The following EXOC3 variants were observed in gnomAD, a reference collection of about 807,000 sequenced individuals.
EXOC3 encodes the protein exocyst complex component 3, also known as SEC6-like 1.
Under a neutral mutation model 73.7 loss-of-function variants are expected in EXOC3, and 21 were observed. That is an observed-to-expected ratio of 0.29 (90% confidence interval 0.20 to 0.41). EXOC3 has a LOEUF of 0.41. Ranked by LOEUF, EXOC3 falls within the 10% of genes least tolerant of loss-of-function variation. EXOC3 has a pLI of 1.00. For synonymous variants in EXOC3, 410 were observed against 389.1 expected (o/e 1.05, Z -0.63); for missense variants, 842 against 985.1 (o/e 0.85, Z 1.95).
chr5:447,716 G>T lies in EXOC3; in HGVS notation c.328G>T (p.Ala110Ser). 1 of 1,582,708 alleles carries T rather than the reference G, an allele frequency of 6.3e-7. No homozygotes were observed. Among genetic ancestry groups the T allele is most frequent in the Non-Finnish European group, 8.6e-7 (1 of 1,162,960 alleles). Residue 110 changes from alanine to serine, a missense_variant, in exon 3 of 13, where the codon GCC (alanine) becomes TCC (serine). Coordinates refer to ENST00000512944, the MANE Select transcript of EXOC3 (RefSeq NM_007277.5). ...CGCCGTGGTGCAGCACAGCCAGCTC[G>T]CCGCAGCCGTGGAGAACCTCAAGAA... ...KDAVVQHSQL[A>S]AAVENLKNIF...
chr5:444,496 A>G (rs901895396), intron 1 of EXOC3, among the ~76,000 whole-genome samples: 1 of 152,232 alleles, frequency 6.6e-6, no homozygotes, highest in African/African-American at 2.4e-5. Flanking sequence ...TTCTTGGGTT[A>G]TTATCCAGCC....
At chr5:445,328 C>A (rs769174604) in intron 1 of EXOC3, among the ~76,000 whole-genome samples, 1 of 150,036 alleles carries the variant, frequency 6.7e-6, no homozygotes, top group African/African-American at 2.5e-5. Flanking sequence ...ATACCCAAGA[C>A]AATAATGACT....
At chr5:459,829 G>A (rs1215288007) in intron 7 of EXOC3, among the ~76,000 whole-genome samples, 2 of 152,252 alleles carry the variant, frequency 1.3e-5, no homozygotes, top group Admixed American at 1.3e-4. Context: ...GTCCTCGGCT[G>A]AGCCGGCCCT....
chr5:457,240 C>G, intron 5 of EXOC3: 2 of 536,454 alleles, frequency 3.7e-6, no homozygotes, highest in Non-Finnish European at 6.8e-6. Flanking sequence ...AGACGTGAGC[C>G]TGTGCCCTAC....
chr5:464,337 C>T lies in EXOC3; in HGVS notation c.1701C>T (p.Asn567=), dbSNP rs543173373. 1.5e-4 allele frequency: 237 copies of T among 1,613,338 alleles called. 4 individuals are homozygous for T. In the South Asian group the frequency reaches 2.5e-3, roughly 17 times the overall value. Reference sequence around the variant, plus strand: ...CGAAGAAGTGGCTATTAGGGTCAAACGCTGTAGACATTATCTGTGTCACCG... The same window carrying T: ...CGAAGAAGTGGCTATTAGGGTCAAATGCTGTAGACATTATCTGTGTCACCG... ...LMTKKWLLGS[N]AVDIICVTVE... is the part of the protein sequence containing the mutation. The change falls in exon 10 of 13, where the codon AAC becomes AAT. Residue 567 remains asparagine (N), a synonymous_variant. Coordinates refer to ENST00000512944, the MANE Select transcript of EXOC3 (RefSeq NM_007277.5).
chr5:461,917 T>C (rs2126585787), intron 7 of EXOC3, 43 bp from the exon 8 acceptor site: 1 of 1,405,168 alleles, frequency 7.1e-7, no homozygotes, highest in Non-Finnish European at 9.9e-7. Context: ...AACAGCTCCA[T>C]GTTGCCCTTA....
chr5:449,804 A>G (rs1737603950), intron 3 of EXOC3, among the ~76,000 whole-genome samples: 2 of 152,224 alleles, frequency 1.3e-5, no homozygotes, highest in African/African-American at 4.8e-5. Flanking sequence ...TATACACACA[A>G]GTGTAATTGC....
intron 9 of EXOC3, chr5:462,511 A>G: frequency 1.7e-6 from 1 of 581,426 alleles, no homozygotes; most frequent in Non-Finnish European, 3.1e-6. Flanking sequence ...TCTTACGCAC[A>G]ATTCAGTAGA....
At chr5:460,456 G>A (rs951072340) in intron 7 of EXOC3, among the ~76,000 whole-genome samples, 4 of 152,172 alleles carry the variant, frequency 2.6e-5, no homozygotes, top group Non-Finnish European at 5.9e-5. Flanking sequence ...TGGTGGCTTA[G>A]GTACTACAGC....
intron 1 of EXOC3, among the ~76,000 whole-genome samples, chr5:445,344 TTTTTTTTTC>T (rs1482481694): frequency 1.4e-3 from 75 of 52,514 alleles, no homozygotes; most frequent in African/African-American, 5.9e-3. Flanking sequence ...TGACTTTTTC[TTTTTTTTTC>T]TTTTTTTTTT....
chr5:459,860 G>T (rs918595358), intron 7 of EXOC3, among the ~76,000 whole-genome samples: 1 of 152,248 alleles, frequency 6.6e-6, no homozygotes, highest in African/African-American at 2.4e-5. Context: ...GCTCCAGGCA[G>T]CCATGACCTG....
chr5:453,912 C>T lies in EXOC3; in HGVS notation c.907C>T (p.Pro303Ser), dbSNP rs769866645. ...AKNLMVQCFP[P>S]HYEIFKNLLN... ...AAACCTGATGGTTCAGTGCTTTCCT[C>T]CCCACTATGAGATCTTTAAGAACCT... Residue 303 changes from proline (P) to serine (S), a missense_variant, in exon 4 of 13, where the codon CCC (proline) becomes TCC (serine). By Grantham distance (74) the Pro-to-Ser change is moderately conservative. Coordinates refer to ENST00000512944, the MANE Select transcript of EXOC3 (RefSeq NM_007277.5). The T allele has an allele frequency of 2.5e-6, 4 of 1,614,028 alleles. No homozygotes were observed. Among genetic ancestry groups the T allele is most frequent in the Non-Finnish European group, 3.4e-6 (4 of 1,179,894 alleles).
chr5:455,043 G>A (rs7702826), intron 4 of EXOC3, among the ~76,000 whole-genome samples: 16 of 151,586 alleles, frequency 1.1e-4, no homozygotes, highest in Non-Finnish European at 2.2e-4. Context: ...CTGTGCAACC[G>A]TGGCGCTCTG....
At chr5:455,447 A>G (rs1737782561) in intron 4 of EXOC3, among the ~76,000 whole-genome samples, 1 of 152,242 alleles carries the variant, frequency 6.6e-6, no homozygotes, top group Non-Finnish European at 1.5e-5. Flanking sequence ...TTCTTGGGAA[A>G]AATAATCCAG....
intron 3 of EXOC3, among the ~76,000 whole-genome samples, chr5:450,900 A>G (rs111434436): frequency 3.1e-3 from 468 of 151,528 alleles, no homozygotes; most frequent in Non-Finnish European, 4.6e-3. Flanking sequence ...TTTACTTTCA[A>G]CCTATTTGTG....
At position 467,100 on chromosome 5, in the gene EXOC3, G is replaced by A; in HGVS notation, c.*202G>A. Reference sequence around the variant, plus strand: ...GAGGCCCCTCACTGTGCTGTCAAAGGCCTGTGGGTGCAGGGCTCTGCCGCA... The same window carrying A: ...GAGGCCCCTCACTGTGCTGTCAAAGACCTGTGGGTGCAGGGCTCTGCCGCA... On this transcript the variant is annotated 3_prime_UTR_variant, in exon 13 of 13. Transcript: ENST00000512944. 1.7e-6 allele frequency: 1 copy of A among 594,142 alleles called. No homozygotes were observed. Among genetic ancestry groups the A allele is most frequent in the Non-Finnish European group, 3.0e-6 (1 of 335,266 alleles). 36.8% of individuals were successfully genotyped at this position (594,142 alleles called of 1,614,324 possible).
intron 7 of EXOC3, among the ~76,000 whole-genome samples, chr5:460,199 G>A (rs1737944252): frequency 1.3e-5 from 2 of 152,222 alleles, no homozygotes; most frequent in African/African-American, 4.8e-5. Context: ...TGATAGTTGT[G>A]AATCAGATTG....
chr5:466,923 C>A lies in EXOC3; in HGVS notation c.*25C>A. On this transcript the variant is annotated 3_prime_UTR_variant, in exon 13 of 13. Transcript: ENST00000512944. ...GCCTCCGCCGGCCTGCCCTGCTCGC[C>A]CCTCCACAGCCTCGGTCCCTGCCTT... 1 of 1,570,318 alleles carries A rather than the reference C, an allele frequency of 6.4e-7. No individual in the cohort carries two copies. Among genetic ancestry groups the A allele is most frequent in the Admixed American group, 1.9e-5 (1 of 53,804 alleles).
rs1405067798 is a variant in EXOC3 at position 447,744 on chromosome 5, T to C, written c.356T>C (p.Ile119Thr). Reference sequence around the variant, plus strand: ...GCAGCCGTGGAGAACCTCAAGAACATCTTCTCAGGTACCAGCCAGACGCCG... The same window carrying C: ...GCAGCCGTGGAGAACCTCAAGAACACCTTCTCAGGTACCAGCCAGACGCCG... ...LAAAVENLKN[I>T]FSVPEIVRET... Residue 119 changes from isoleucine (I) to threonine (T), a missense_variant, in exon 3 of 13, where the codon ATC (isoleucine) becomes ACC (threonine). By Grantham distance (89) the Ile-to-Thr change is moderately conservative. Transcript: ENST00000512944. 1.3e-6 allele frequency: 2 copies of C among 1,559,122 alleles called. No homozygotes were observed. Among genetic ancestry groups the C allele is most frequent in the Non-Finnish European group, 8.7e-7 (1 of 1,149,302 alleles).
Sources: allele counts gnomAD v4.1 joint callset (sites outside exome capture counted in the v4.1 genomes callset), GRCh38; gene constraint gnomAD v4.1.1; transcripts MANE v1.5; gene names NCBI Gene and HGNC (gene_info 2026-07-23, HGNC 2026-07-21).